The following NAP1L4 variants were observed in gnomAD, a reference collection of about 807,000 sequenced individuals.
NAP1L4 encodes nucleosome assembly protein 1-like 4.
In NAP1L4, 15 loss-of-function variants were observed where a neutral mutation model predicts 58.2. The ratio of observed to expected loss-of-function variants is 0.26; its 90% CI spans 0.17 to 0.40. NAP1L4 has a LOEUF of 0.40. Among genes scored for constraint, NAP1L4 ranks in the 10% least tolerant of loss-of-function variants. The pLI is 1.00. For synonymous variants in NAP1L4, 171 were observed against 155.6 expected, an observed-to-expected ratio of 1.10 and a Z score of -0.74; for missense variants, 384 against 451.1, an observed-to-expected ratio of 0.85 and a Z score of 1.35.
At chr11:2,979,587 A>G (rs1404137686) in intron 1 of NAP1L4, among the ~76,000 whole-genome samples, 2 of 152,148 alleles carry the variant, frequency 1.3e-5, no homozygotes, top group Non-Finnish European at 2.9e-5. Context: ...GGCCTGACCA[A>G]CATGGTGAAA....
chr11:2,978,158 TTTAA>T, intron 3 of NAP1L4, 122 bp downstream of exon 3: 1 of 841,874 alleles, frequency 1.2e-6, no homozygotes, highest in Non-Finnish European at 1.8e-6. Flanking sequence ...GATTTTTCAT[TTTAA>T]TTACTCTAGC....
Position 2,951,853 on chromosome 11 carries a change from C to A in NAP1L4, c.1036-44G>T, listed in dbSNP as rs759856691. ...ACATTTTTAGGTTTACAAAACATGA[C>A]AGCAGCCTGCCCAAGACACCAGTCC... On this transcript the variant is annotated intron_variant, in intron 12 of 15. Transcript: ENST00000380542. The surrounding 1 kb of genome is among the most constrained non-coding windows in gnomAD (Gnocchi z 4.0). 4.4e-6 allele frequency: 7 copies of A among 1,591,088 alleles called. No homozygotes were observed. The East Asian group carries it at 1.6e-4, about 36-fold the overall frequency.
intron 8 of NAP1L4, chr11:2,960,221 G>T: frequency 3.6e-6 from 1 of 276,858 alleles, no homozygotes; most frequent in Non-Finnish European, 7.0e-6. Flanking sequence ...CTTGCTTCCT[G>T]GAAGGAGGGA....
intron 1 of NAP1L4, among the ~76,000 whole-genome samples, chr11:2,979,848 A>G (rs1009778535): frequency 6.6e-6 from 1 of 152,224 alleles, no homozygotes; most frequent in Non-Finnish European, 1.5e-5. Context: ...ATTAATTCTA[A>G]TTTGCCTTAT....
At chr11:2,976,311 ACT>A (rs1420961292) in intron 3 of NAP1L4, among the ~76,000 whole-genome samples, 188 bp from the exon 4 acceptor site, 2 of 152,270 alleles carry the variant, frequency 1.3e-5, no homozygotes, top group East Asian at 3.9e-4. Flanking sequence ...AGCATTTAAC[ACT>A]CTGGGTTAAT....
intron 1 of NAP1L4, chr11:2,981,945 T>C (rs939950080): frequency 1.3e-5 from 2 of 152,598 alleles, no homozygotes; most frequent in Non-Finnish European, 2.9e-5. Flanking sequence ...TCCTCCACCA[T>C]GTTTGCTGCA....
At chr11:2,953,912 A>T (rs932641353) in intron 12 of NAP1L4, among the ~76,000 whole-genome samples, 13 of 152,240 alleles carry the variant, frequency 8.5e-5, no homozygotes, top group African/African-American at 3.1e-4. Context: ...TATTTTCCAC[A>T]GATCAAGAAG....
chr11:2,975,761 G>A (rs1402928058), intron 4 of NAP1L4, among the ~76,000 whole-genome samples: 1 of 151,848 alleles, frequency 6.6e-6, no homozygotes, highest in Non-Finnish European at 1.5e-5. Flanking sequence ...GATGATCTGT[G>A]AAGTCCTCTA....
chr11:2,967,126 G>T (rs1376389759), intron 7 of NAP1L4, among the ~76,000 whole-genome samples: 1 of 152,146 alleles, frequency 6.6e-6, no homozygotes, highest in East Asian at 1.9e-4. Flanking sequence ...AAAATGAGCT[G>T]GGCATAGTGG....
rs183753947 is a variant in NAP1L4, at chr11:2,949,759, C to T, written c.1123-495G>A. Among the ~76,000 whole-genome samples the T allele has an allele frequency of 2.0e-4, 31 of 152,200 alleles. 2 individuals carry two copies. The East Asian group carries it at 6.0e-3, about 29-fold the overall frequency. On this transcript the variant is annotated intron_variant, in intron 14 of 15. Coordinates refer to ENST00000380542, the MANE Select transcript of NAP1L4 (RefSeq NM_005969.4). This position sits in a 1 kb window ranked among gnomAD's most constrained non-coding sequence, Gnocchi z 4.0. ...AGAATGCTCTTTTAGAAACCTGGGA[C>T]GTGAAAGGAGACTCAAGGTTCTCCA...
In NAP1L4 at chr11:2,946,108, C is replaced by T. The variant is rs187234702; in HGVS notation, c.*33-462G>A. On this transcript the variant is annotated intron_variant, in intron 15 of 15. Transcript: ENST00000380542. The surrounding 1 kb of genome is among the most constrained non-coding windows in gnomAD (Gnocchi z 4.8). ...GTCTGGGGGTAGGCTGGGCCCTTGG[C>T]GCTCATGGAAAGCACATCTCTCCTC... 3.3e-5 allele frequency among the ~76,000 whole-genome samples: 5 copies of T among 152,262 alleles called. No individual in the cohort carries two copies. In the East Asian group the frequency reaches 5.8e-4, roughly 18 times the overall value.
In NAP1L4 at chr11:2,949,436, A is replaced by G. The variant is rs1208855603; in HGVS notation, c.1123-172T>C. Among the ~76,000 whole-genome samples, 2 of 152,250 alleles carry G rather than the reference A, an allele frequency of 1.3e-5. No homozygotes were observed. Among genetic ancestry groups the G allele is most frequent in the African/African-American group, 4.8e-5 (2 of 41,476 alleles). On this transcript the variant is annotated intron_variant, in intron 14 of 15. Coordinates refer to ENST00000380542, the MANE Select transcript of NAP1L4 (RefSeq NM_005969.4). This position sits in a 1 kb window ranked among gnomAD's most constrained non-coding sequence, Gnocchi z 4.0. ...TCATACTTTCAAAATGGGCAGAAGCATGATTTTCACTTCTATCAGACTGCT... is the reference window on the plus strand; with the variant it reads ...TCATACTTTCAAAATGGGCAGAAGCGTGATTTTCACTTCTATCAGACTGCT...
chr11:2,992,042 G>A (rs1027671660), intron 1 of NAP1L4: 2 of 152,258 alleles, frequency 1.3e-5, no homozygotes, highest in African/African-American at 4.8e-5. Flanking sequence ...CAGCGCCCCA[G>A]GCCCGGGCTC....
chr11:2,966,954 A>C (rs1476402253), intron 7 of NAP1L4, among the ~76,000 whole-genome samples: 2 of 152,250 alleles, frequency 1.3e-5, no homozygotes, highest in African/African-American at 2.4e-5. Flanking sequence ...GCAGACGCTC[A>C]GACTCAGGAA....
intron 1 of NAP1L4, among the ~76,000 whole-genome samples, chr11:2,983,090 T>C (rs554305827): frequency 1.3e-3 from 193 of 152,244 alleles, no homozygotes; most frequent in Non-Finnish European, 1.7e-3. Context: ...TTAGTCAGGG[T>C]TGAAATCCTA....
rs370718550 is a variant in NAP1L4, at chr11:2,978,384, G to T, written c.15-42C>A. On this transcript the variant is annotated intron_variant, in intron 2 of 15. Transcript: ENST00000380542. The stretch of plus-strand genomic sequence containing the variant: ...TTTAAAAAGTATTACTGTAAAGAAA[G>T]TTCCAAAGACATAGCACAAATGGAC... The T allele has an allele frequency of 4.0e-5, 63 of 1,570,252 alleles. No homozygotes were observed. The African/African-American group carries it at 6.9e-4, about 17-fold the overall frequency.
intron 10 of NAP1L4, 44 bp downstream of exon 10, chr11:2,958,355 T>C (rs370830373): frequency 1.0e-5 from 16 of 1,606,084 alleles, no homozygotes; most frequent in Non-Finnish European, 4.3e-6. Context: ...ACCAAAATTA[T>C]TTTATATAAG....
intron 1 of NAP1L4, chr11:2,990,834 G>C (rs1042563088): frequency 8.0e-6 from 2 of 251,508 alleles, no homozygotes; most frequent in Admixed American, 9.2e-5. Context: ...AAGAGTCCCT[G>C]GTGCGCAGTG....
intron 4 of NAP1L4, among the ~76,000 whole-genome samples, chr11:2,973,035 C>G (rs1284249063): frequency 6.6e-6 from 1 of 152,148 alleles, no homozygotes; most frequent in Non-Finnish European, 1.5e-5. Context: ...GTCGATAGAT[C>G]TGTACAAGTG....
Sources: allele counts gnomAD v4.1 joint callset (sites outside exome capture counted in the v4.1 genomes callset), GRCh38; gene constraint gnomAD v4.1.1; non-coding constraint Gnocchi (gnomAD v3.1); transcripts MANE v1.5; gene names NCBI Gene and HGNC (gene_info 2026-07-23, HGNC 2026-07-21).